The following CNTN5 variants were observed in gnomAD, a reference collection of about 807,000 sequenced individuals.
CNTN5 encodes contactin-5.
Under a neutral mutation model 129.1 loss-of-function variants are expected in CNTN5, and 77 were observed. The ratio of observed to expected loss-of-function variants is 0.60; its 90% confidence interval spans 0.50 to 0.72. The LOEUF (loss-of-function observed/expected upper bound fraction) is 0.72. CNTN5 is among the 30% of genes least tolerant of loss of function. The probability of loss-of-function intolerance (pLI) is 0.00; values close to 1 mark genes in which losing one functional copy is unlikely to be tolerated. For synonymous variants in CNTN5, 509 were observed against 465.6 expected, an observed-to-expected ratio of 1.09 and a Z score of -1.20; for missense variants, 1,478 against 1,328.8, an observed-to-expected ratio of 1.11 and a Z score of -1.75.
chr11:99,602,495 G>A (rs1045560227), intron 3 of CNTN5, among the ~76,000 whole-genome samples: 1 of 151,978 alleles, frequency 6.6e-6, no homozygotes, highest in African/African-American at 2.4e-5. Flanking sequence ...TATTGATCAG[G>A]CACATTTCTG....
intron 3 of CNTN5, among the ~76,000 whole-genome samples, chr11:99,613,794 A>G (rs1351348099): frequency 2.0e-5 from 3 of 152,222 alleles, no homozygotes; most frequent in African/African-American, 7.2e-5. Context: ...TCCACTAAAT[A>G]AAGTTTGTCA....
chr11:100,287,837 A>G (rs1950833938), intron 18 of CNTN5, among the ~76,000 whole-genome samples: 1 of 152,234 alleles, frequency 6.6e-6, no homozygotes, highest in Admixed American at 6.5e-5. Context: ...GTCAAGACCC[A>G]TCAGTGTGCT....
At position 100,321,661 on chromosome 11, in the gene CNTN5, T is replaced by C. The variant is rs1951698756; in HGVS notation, c.2730+13193T>C. ...AGGAAAAGCCTTCGGCTTTTCCCTG[T>C]TTAGAATGATGTTAGTTGTGTGTTT... On this transcript the variant is annotated intron_variant, in intron 21 of 24. Coordinates refer to ENST00000524871, the MANE Select transcript of CNTN5 (RefSeq NM_014361.4). Among the ~76,000 whole-genome samples, 10 of 152,286 alleles carry C rather than the reference T, an allele frequency of 6.6e-5. 2 individuals carry two copies. In the South Asian group the frequency reaches 2.1e-3, roughly 32 times the overall value.
chr11:99,067,543 G>C (rs1002741856), intron 1 of CNTN5, among the ~76,000 whole-genome samples: 4 of 152,094 alleles, frequency 2.6e-5, no homozygotes, highest in Middle Eastern at 3.2e-3. Context: ...AGATATGTAG[G>C]AAAGTGCCAT....
intron 18 of CNTN5, among the ~76,000 whole-genome samples, chr11:100,295,025 G>A (rs911728840): frequency 6.6e-6 from 1 of 151,578 alleles, no homozygotes; most frequent in African/African-American, 2.4e-5. Context: ...AGCTATTACA[G>A]CCTAAAGTTT....
At chr11:99,669,356 G>A (rs1952934438) in intron 3 of CNTN5, among the ~76,000 whole-genome samples, 1 of 151,912 alleles carries the variant, frequency 6.6e-6, no homozygotes, top group East Asian at 1.9e-4. Context: ...ATGCAACTTC[G>A]AGTAACCTGG....
chr11:100,196,466 C>A, intron 15 of CNTN5, among the ~76,000 whole-genome samples: 1 of 151,924 alleles, frequency 6.6e-6, no homozygotes, highest in East Asian at 1.9e-4. Flanking sequence ...CCTTCATATA[C>A]AATCTATATA....
rs184462182 is a variant in CNTN5, at chr11:99,105,397, T to A, written c.-210+84127T>A. ...TATGTTATGTCCTGGACATGATAAG[T>A]GAGCTAAACTGTACTAACTACCATA... On this transcript the variant is annotated intron_variant, in intron 1 of 24. Transcript: ENST00000524871. Among the ~76,000 whole-genome samples the A allele has an allele frequency of 3.3e-5, 5 of 152,308 alleles. No individual in the cohort carries two copies. The East Asian group carries it at 9.6e-4, about 29-fold the overall frequency.
intron 8 of CNTN5, among the ~76,000 whole-genome samples, chr11:99,985,534 A>C (rs943753562): frequency 6.6e-6 from 1 of 152,106 alleles, no homozygotes; most frequent in Non-Finnish European, 1.5e-5. Flanking sequence ...AGTTGGTAAG[A>C]AGGCGTTTTT....
intron 3 of CNTN5, among the ~76,000 whole-genome samples, chr11:99,674,821 T>A (rs1199016531): frequency 6.6e-6 from 1 of 152,016 alleles, no homozygotes; most frequent in Non-Finnish European, 1.5e-5. Context: ...AACCTTAGCT[T>A]TGAACCTCTG....
intron 21 of CNTN5, among the ~76,000 whole-genome samples, chr11:100,311,743 A>C (rs1267720452): frequency 6.6e-6 from 1 of 151,992 alleles, no homozygotes; most frequent in African/African-American, 2.4e-5. Context: ...GAGACCTGAG[A>C]TTGCCAGATG....
chr11:99,727,006 C>G lies in CNTN5; in HGVS notation c.56-92538C>G, dbSNP rs558984415. 5.9e-5 allele frequency among the ~76,000 whole-genome samples: 9 copies of G among 152,202 alleles called. No homozygotes were observed. In the East Asian group the frequency reaches 1.7e-3, roughly 29 times the overall value. ...AATCAACATTTGTTTTTATAAATCT[C>G]TATAAAATTCCAGGGCATGGCCGGG... On this transcript the variant is annotated intron_variant, in intron 3 of 24. Transcript: ENST00000524871.
At chr11:99,252,357 C>CA (rs377712103) in intron 1 of CNTN5, among the ~76,000 whole-genome samples, 24 of 151,776 alleles carry the variant, frequency 1.6e-4, no homozygotes, top group African/African-American at 5.1e-4. Flanking sequence ...AAAAAACACA[C>CA]AAAAAAACCC....
intron 3 of CNTN5, among the ~76,000 whole-genome samples, chr11:99,804,142 G>C (rs967845846): frequency 3.3e-5 from 5 of 151,942 alleles, no homozygotes; most frequent in African/African-American, 1.2e-4. Context: ...AGTCAATATA[G>C]TTACAGTATA....
At chr11:99,266,582 A>G (rs1291887604) in intron 1 of CNTN5, among the ~76,000 whole-genome samples, 3 of 152,144 alleles carry the variant, frequency 2.0e-5, no homozygotes, top group Non-Finnish European at 4.4e-5. Flanking sequence ...AGCCTGGGCA[A>G]CAGAGCAAGA....
intron 3 of CNTN5, among the ~76,000 whole-genome samples, chr11:99,759,271 C>G (rs1944500121): frequency 6.6e-6 from 1 of 151,986 alleles, no homozygotes; most frequent in Non-Finnish European, 1.5e-5. Context: ...TGAGGAAACA[C>G]TTAGAAATTT....
intron 21 of CNTN5, among the ~76,000 whole-genome samples, chr11:100,317,682 T>C (rs2138949804): frequency 6.6e-6 from 1 of 152,328 alleles, no homozygotes; most frequent in South Asian, 2.1e-4. Flanking sequence ...TTCAATTGTT[T>C]AACCTGTTCT....
intron 1 of CNTN5, among the ~76,000 whole-genome samples, chr11:99,227,435 T>C (rs1860752822): frequency 1.3e-5 from 2 of 151,668 alleles, no homozygotes. Context: ...ATTTATCGTG[T>C]AGAGGAAATT....
At chr11:99,104,034 C>T (rs906273907) in intron 1 of CNTN5, among the ~76,000 whole-genome samples, 2 of 152,084 alleles carry the variant, frequency 1.3e-5, no homozygotes, top group Non-Finnish European at 2.9e-5. Flanking sequence ...TCTTTTATGG[C>T]AGACCTAGGA....
Sources: allele counts gnomAD v4.1 joint callset (sites outside exome capture counted in the v4.1 genomes callset), GRCh38; gene constraint gnomAD v4.1.1; transcripts MANE v1.5; gene names NCBI Gene and HGNC (gene_info 2026-07-23, HGNC 2026-07-21).